Variants in STARD6 observed in about 807,000 individuals in gnomAD.
The protein encoded by STARD6 is stAR-related lipid transfer protein 6.
A neutral mutation model predicts 22.3 loss-of-function variants in STARD6; 21 were observed. The observed-to-expected ratio is 0.94, with a 90% CI of 0.67 to 1.35. The LOEUF (loss-of-function observed/expected upper bound fraction) is 1.35. STARD6 is among the 40% of genes most tolerant of loss of function. The pLI is 0.00. For synonymous variants in STARD6, 80 were observed against 88.1 expected (o/e 0.91, Z 0.52); for missense variants, 269 against 266.9 (o/e 1.01, Z -0.05).
Position 54,331,804 on chromosome 18 carries a change from G to C in STARD6, c.323C>G (p.Pro108Arg). ...GTACACTAAGTCGATAAAGTCTCGAGGGGAAATGGAGCCCACGGCAAAACT... is the reference window on the plus strand; with the variant it reads ...GTACACTAAGTCGATAAAGTCTCGACGGGAAATGGAGCCCACGGCAAAACT... ...TQSFAVGSIS[P>R]RDFIDLVYIK... Residue 108 changes from proline to arginine, a missense_variant, in exon 6 of 8, where the codon CCT (proline) becomes CGT (arginine). Physicochemically the swap from Pro to Arg is moderately radical, Grantham distance 103. Transcript: ENST00000307844. The C allele has an allele frequency of 6.2e-7, 1 of 1,613,494 alleles. No homozygotes were observed. The highest frequency in any genetic ancestry group is 1.1e-5 in the South Asian group (1 of 90,944).
At chr18:54,342,555 T>C (rs2088982321) in intron 4 of STARD6, among the ~76,000 whole-genome samples, 3 of 134,284 alleles carry the variant, frequency 2.2e-5, no homozygotes, top group Non-Finnish European at 4.7e-5. Flanking sequence ...CCATCTCGGC[T>C]CACTGCAACC....
Position 54,354,079 on chromosome 18 carries a change from C to A in STARD6, c.115G>T (p.Ala39Ser), listed in dbSNP as rs748047378. The A allele has an allele frequency of 2.6e-6, 4 of 1,567,376 alleles. No individual in the cohort carries two copies. The highest frequency in any genetic ancestry group is 2.3e-5 in the East Asian group (1 of 43,012). The change falls in exon 4 of 8, where the codon GCT (alanine) becomes TCT (serine). Residue 39 changes from alanine (A) to serine (S), a missense_variant. Transcript: ENST00000307844. Reference protein sequence around the residue: ...TSKKITVSSKASRKFHGNLYR... With the variant: ...TSKKITVSSKSSRKFHGNLYR... ...AGATTTCCATGGAATTTTCTAGAAG[C>A]CTTACTGGAAACAGTTATCTTTTTC... is the stretch of plus-strand genomic sequence containing the variant.
intron 4 of STARD6, among the ~76,000 whole-genome samples, chr18:54,347,995 G>A (rs181070717): frequency 6.4e-4 from 98 of 152,150 alleles, no homozygotes; most frequent in African/African-American, 2.3e-3. Flanking sequence ...AGTCTCATGA[G>A]ATCTGATGTT....
intron 4 of STARD6, among the ~76,000 whole-genome samples, chr18:54,340,414 C>CA (rs1189850989): frequency 6.6e-6 from 1 of 151,684 alleles, no homozygotes; most frequent in African/African-American, 2.4e-5. Context: ...AAATGTAGTT[C>CA]AAAAAATTAT....
intron 4 of STARD6, among the ~76,000 whole-genome samples, chr18:54,341,990 A>C (rs895813289): frequency 2.0e-5 from 3 of 152,254 alleles, no homozygotes; most frequent in Non-Finnish European, 2.9e-5. Context: ...TGTATCTTTG[A>C]AAAGATCAAC....
chr18:54,350,081 A>C (rs1241219474), intron 4 of STARD6, among the ~76,000 whole-genome samples: 1 of 152,156 alleles, frequency 6.6e-6, no homozygotes. Context: ...TAGTGGTTGT[A>C]CTGATTTACC....
In STARD6 at chr18:54,338,633, T is replaced by TAA. The variant is rs35102950; in HGVS notation, c.141-1384_141-1383dup. On this transcript the variant is annotated intron_variant, in intron 4 of 7. Coordinates refer to ENST00000307844, the MANE Select transcript of STARD6 (RefSeq NM_139171.2). ...CACTATTTTACCTAAAACGTTGTTT[T>TAA]AAAAAAAAAACTGCGAGTCATGCAA... is the stretch of plus-strand genomic sequence containing the variant. Among the ~76,000 whole-genome samples, 12 of 148,764 alleles carry TAA rather than the reference T, an allele frequency of 8.1e-5. No homozygotes were observed. In the South Asian group the frequency reaches 1.9e-3, roughly 24 times the overall value.
chr18:54,344,056 A>G (rs1346407346), intron 4 of STARD6, among the ~76,000 whole-genome samples: 5 of 44,104 alleles, frequency 1.1e-4, no homozygotes, highest in East Asian at 5.8e-4. Flanking sequence ...CCCGGCCACC[A>G]CCCCGTCTGG....
intron 5 of STARD6, among the ~76,000 whole-genome samples, chr18:54,335,666 A>G (rs560557093): frequency 2.0e-5 from 3 of 152,220 alleles, no homozygotes; most frequent in Admixed American, 2.0e-4. Context: ...CAGCCTGGTG[A>G]TTCGATCATG....
At chr18:54,329,244 A>T in intron 7 of STARD6, 103 bp downstream of exon 7, 1 of 868,212 alleles carries the variant, frequency 1.2e-6, no homozygotes, top group Non-Finnish European at 1.7e-6. Flanking sequence ...CCGCAACAGA[A>T]TATGCTGCTA....
intron 4 of STARD6, among the ~76,000 whole-genome samples, chr18:54,351,239 T>C (rs2089093171): frequency 6.6e-6 from 1 of 152,170 alleles, no homozygotes; most frequent in African/African-American, 2.4e-5. Context: ...TTTGCAGTGG[T>C]TGAAAAAGGG....
chr18:54,324,611 A>G lies in STARD6; in HGVS notation c.*81T>C. ...CTAGAATAGTTTAACAGTATTATTT[A>G]TGTGCGTTGACTTAGAAGTAAACAG... On this transcript the variant is annotated 3_prime_UTR_variant, in exon 8 of 8. Coordinates refer to ENST00000307844, the MANE Select transcript of STARD6 (RefSeq NM_139171.2). 1 of 1,343,998 alleles carries G rather than the reference A, an allele frequency of 7.4e-7. No individual in the cohort carries two copies. 83.3% of individuals were successfully genotyped at this position (1,343,998 alleles called of 1,614,324 possible).
chr18:54,335,580 T>C (rs1327885805), intron 5 of STARD6, among the ~76,000 whole-genome samples: 5 of 152,162 alleles, frequency 3.3e-5, no homozygotes, highest in Admixed American at 3.3e-4. Context: ...CTTATCCCAC[T>C]TCTTCATCCT....
chr18:54,332,465 C>A (rs965686710), intron 5 of STARD6, among the ~76,000 whole-genome samples: 17 of 152,170 alleles, frequency 1.1e-4, no homozygotes, highest in African/African-American at 3.1e-4. Context: ...CCTGGTGGCC[C>A]ATGGAATCAT....
At chr18:54,329,305 TA>T in intron 7 of STARD6, 41 bp downstream of exon 7, 5 of 1,468,596 alleles carry the variant, frequency 3.4e-6, no homozygotes, top group African/African-American at 1.5e-5. Flanking sequence ...CAAGTTGAAC[TA>T]AAAAAACCTG....
rs558820693 is a variant in STARD6, at chr18:54,353,481, C to T, written c.140+573G>A. On this transcript the variant is annotated intron_variant, in intron 4 of 7. Transcript: ENST00000307844. ...CTCAGGAGTTTGAGACTGGCCTGGG[C>T]AACCCCATCTCTACAAAAACATATA... Among the ~76,000 whole-genome samples, 3 of 152,272 alleles carry T rather than the reference C, an allele frequency of 2.0e-5. No individual in the cohort carries two copies. The East Asian group carries it at 5.8e-4, about 29-fold the overall frequency.
At chr18:54,337,007 A>C (rs2088920526) in intron 5 of STARD6, 118 bp downstream of exon 5, 1 of 934,976 alleles carries the variant, frequency 1.1e-6, no homozygotes, top group South Asian at 2.8e-5. Context: ...TAAAGACTTC[A>C]AGTCAATTTG....
chr18:54,350,236 T>C (rs924607730), intron 4 of STARD6, among the ~76,000 whole-genome samples: 5 of 152,208 alleles, frequency 3.3e-5, no homozygotes, highest in African/African-American at 1.2e-4. Flanking sequence ...TGATAATTAG[T>C]GATGTTGAGC....
At chr18:54,346,591 A>C (rs2089038437) in intron 4 of STARD6, among the ~76,000 whole-genome samples, 1 of 152,168 alleles carries the variant, frequency 6.6e-6, no homozygotes. Flanking sequence ...ATATATGTCC[A>C]CACAAAAATT....
Sources: gnomAD v4.1 joint callset for allele counts (sites outside exome capture counted in the v4.1 genomes callset) on GRCh38, gnomAD v4.1.1 for gene constraint, MANE v1.5 for transcripts, NCBI Gene and HGNC (gene_info 2026-07-23, HGNC 2026-07-21) for gene names.